NKD1: variants seen among roughly 807,000 people sequenced by gnomAD.
NKD1 encodes NKD inhibitor of Wnt signaling pathway 1, also known as protein naked cuticle homolog 1.
Under a neutral mutation model 56.0 loss-of-function variants are expected in NKD1, and 21 were observed. The ratio of observed to expected loss-of-function variants is 0.38; its 90% CI spans 0.27 to 0.54. The LOEUF (loss-of-function observed/expected upper bound fraction) is 0.54, where lower values mean the gene tolerates loss of function less well. Ranked by LOEUF, NKD1 falls within the 20% of genes least tolerant of loss-of-function variation. The probability of loss-of-function intolerance (pLI) is 0.82; values close to 1 mark genes in which losing one functional copy is unlikely to be tolerated. For synonymous variants in NKD1, 263 were observed against 265.7 expected (o/e 0.99, Z 0.10); for missense variants, 578 against 642.7 (o/e 0.90, Z 1.09).
At chr16:50,574,392 G>T (rs1960947643) in intron 3 of NKD1, 1 of 985,338 alleles carries the variant, frequency 1.0e-6, no homozygotes, top group Non-Finnish European at 1.2e-6. Flanking sequence ...GGCCTCACTG[G>T]TGTCCTGGCT....
intron 3 of NKD1, chr16:50,605,990 C>G (rs1961698336): frequency 6.6e-6 from 1 of 152,000 alleles, no homozygotes; most frequent in South Asian, 2.1e-4. Flanking sequence ...CCTAGAGACT[C>G]AAAGCTCTAG....
Sources: allele counts gnomAD v4.1 joint callset, GRCh38; gene constraint gnomAD v4.1.1; transcripts MANE v1.5; gene names NCBI Gene and HGNC (gene_info 2026-07-23, HGNC 2026-07-21).